The following EZH2 variants were observed in gnomAD, a reference collection of about 807,000 sequenced individuals.
EZH2 encodes histone-lysine N-methyltransferase EZH2.
Under a neutral mutation model 98.4 loss-of-function variants are expected in EZH2, and 18 were observed. That is an observed-to-expected ratio of 0.18 (90% CI 0.13 to 0.27). EZH2 has a LOEUF of 0.27. Among genes scored for constraint, EZH2 ranks in the 10% least tolerant of loss-of-function variants. The pLI is 1.00. For synonymous variants in EZH2, 338 were observed against 312.3 expected (o/e 1.08, Z -0.87); for missense variants, 470 against 935.1 (o/e 0.50, Z 6.49).
intron 2 of EZH2, among the ~76,000 whole-genome samples, chr7:148,846,835 T>C (rs1158096308): frequency 9.3e-6 from 1 of 107,542 alleles, no homozygotes; most frequent in Non-Finnish European, 1.9e-5. Flanking sequence ...CTTTCTTTGT[T>C]GACTGTGTGT....
chr7:148,833,158 A>G (rs971166916), intron 3 of EZH2, among the ~76,000 whole-genome samples: 3 of 152,162 alleles, frequency 2.0e-5, no homozygotes, highest in African/African-American at 4.8e-5. Context: ...ATCTTACTTA[A>G]TAAGAATAAG....
intron 9 of EZH2, 111 bp from the exon 10 acceptor site, chr7:148,818,228 C>T: frequency 9.1e-7 from 1 of 1,095,936 alleles, no homozygotes; most frequent in Non-Finnish European, 1.3e-6. Flanking sequence ...ATCACATTAT[C>T]CATTTATCAC....
At chr7:148,862,547 A>C (rs961948134) in intron 1 of EZH2, among the ~76,000 whole-genome samples, 2 of 152,334 alleles carry the variant, frequency 1.3e-5, no homozygotes, top group African/African-American at 4.8e-5. Flanking sequence ...AAGTCTGCCA[A>C]ATACCTAAGT....
Position 148,832,643 on chromosome 7 carries a change from C to T in EZH2, c.354G>A (p.Gln118=). 1 of 1,543,078 alleles carries T rather than the reference C, an allele frequency of 6.5e-7. No homozygotes were observed. Among genetic ancestry groups the T allele is most frequent in the South Asian group, 1.2e-5 (1 of 83,402 alleles). ...PIMYSWSPLQ[Q]NFMVEDETVL... ...TATCTTATTTACATACCATAAAATT[C>T]TGCTGTAGGGGAGACCAAGAATACA... is the stretch of plus-strand genomic sequence containing the variant. The change falls in exon 4 of 20, where the codon CAG becomes CAA. Residue 118 remains glutamine (Q), a synonymous_variant. Coordinates refer to ENST00000320356, the MANE Select transcript of EZH2 (RefSeq NM_004456.5).
intron 1 of EZH2, among the ~76,000 whole-genome samples, chr7:148,877,908 G>A (rs999553514): frequency 4.6e-5 from 7 of 152,190 alleles, no homozygotes; most frequent in African/African-American, 1.7e-4. Context: ...ATAATATGGA[G>A]TAGATAATAT....
chr7:148,833,666 A>G (rs1810057576), intron 3 of EZH2, among the ~76,000 whole-genome samples: 1 of 152,192 alleles, frequency 6.6e-6, no homozygotes, highest in Admixed American at 6.5e-5. Context: ...AATTAATAAT[A>G]TTAGCTGATT....
At chr7:148,867,058 G>A (rs569371341) in intron 1 of EZH2, among the ~76,000 whole-genome samples, 225 of 151,048 alleles carry the variant, frequency 1.5e-3, no homozygotes, top group Non-Finnish European at 2.8e-3. Context: ...CAGGCGTGGT[G>A]GCTCACGCCT....
intron 6 of EZH2, 99 bp from the exon 7 acceptor site, chr7:148,827,365 T>C (rs2129475875): frequency 2.4e-6 from 2 of 825,548 alleles, no homozygotes; most frequent in East Asian, 2.5e-5. Flanking sequence ...CAAAGCTGAT[T>C]TTCTAAGAAA....
chr7:148,850,975 A>T (rs1213303676), intron 1 of EZH2, among the ~76,000 whole-genome samples: 1 of 152,154 alleles, frequency 6.6e-6, no homozygotes, highest in Non-Finnish European at 1.5e-5. Context: ...AAATATCGTA[A>T]CATTTTCAGA....
At chr7:148,808,104 G>A (rs973748974) in intron 19 of EZH2, among the ~76,000 whole-genome samples, 2 of 152,142 alleles carry the variant, frequency 1.3e-5, no homozygotes, top group African/African-American at 4.8e-5. Flanking sequence ...TAGCAAAGAG[G>A]GCCAAAGAGC....
chr7:148,848,190 T>G (rs1244037859), intron 1 of EZH2, among the ~76,000 whole-genome samples: 1 of 152,206 alleles, frequency 6.6e-6, no homozygotes, highest in Non-Finnish European at 1.5e-5. Context: ...CAATTTGTGC[T>G]TTATCTTAAG....
At chr7:148,878,385 T>C (rs1213823899) in intron 1 of EZH2, among the ~76,000 whole-genome samples, 2 of 152,184 alleles carry the variant, frequency 1.3e-5, no homozygotes, top group African/African-American at 2.4e-5. Context: ...GTACAAAAGG[T>C]TGTATCTGGC....
Position 148,816,921 on chromosome 7 carries a change from A to AC in EZH2, c.1411-144dup, listed in dbSNP as rs1804717289. ...GGATATAACACACATCGCTGTCCCT[A>AC]CCCTCACATTAGGGGTAGCTGTAAT... On this transcript the variant is annotated intron_variant, in intron 11 of 19. Coordinates refer to ENST00000320356, the MANE Select transcript of EZH2 (RefSeq NM_004456.5). 7.7e-6 allele frequency: 5 copies of AC among 647,590 alleles called. No individual in the cohort carries two copies. The Admixed American group carries it at 1.2e-4, about 16-fold the overall frequency. The allele number at this position is 647,590 out of a possible 1,614,324, so 40.1% of individuals were successfully genotyped here.
intron 3 of EZH2, among the ~76,000 whole-genome samples, chr7:148,843,123 G>A (rs146387776): frequency 1.5e-4 from 23 of 150,472 alleles, no homozygotes; most frequent in African/African-American, 2.4e-4. Context: ...CAGGATAATC[G>A]CTTGAACCTG....
At chr7:148,818,733 T>A (rs1805239831) in intron 9 of EZH2, among the ~76,000 whole-genome samples, 1 of 152,184 alleles carries the variant, frequency 6.6e-6, no homozygotes, top group Admixed American at 6.5e-5. Flanking sequence ...CTGTGAGGGT[T>A]ACATCTTGCA....
intron 1 of EZH2, among the ~76,000 whole-genome samples, chr7:148,867,557 G>A (rs1818725719): frequency 6.6e-6 from 1 of 152,266 alleles, no homozygotes; most frequent in East Asian, 1.9e-4. Context: ...AATTCCTACA[G>A]TTACCTTCCT....
intron 3 of EZH2, among the ~76,000 whole-genome samples, chr7:148,833,740 T>C (rs1810080491): frequency 6.6e-6 from 1 of 152,178 alleles, no homozygotes; most frequent in African/African-American, 2.4e-5. Flanking sequence ...TTAATCCTCA[T>C]TACAACACTG....
chr7:148,817,162 A>C, intron 11 of EZH2, 60 bp downstream of exon 11: 1 of 1,472,006 alleles, frequency 6.8e-7, no homozygotes, highest in Non-Finnish European at 9.1e-7. Context: ...TTGGACAACG[A>C]GTACAGTTTT....
At position 148,869,601 on chromosome 7, in the gene EZH2, G is replaced by A. The variant is rs1422628295; in HGVS notation, c.-8+14563C>T. Among the ~76,000 whole-genome samples the A allele has an allele frequency of 7.2e-5, 11 of 152,148 alleles. 1 individual carries two copies. The highest frequency in any genetic ancestry group is 7.2e-4 in the Admixed American group (11 of 15,266). On this transcript the variant is annotated intron_variant, in intron 1 of 19. Coordinates refer to ENST00000320356, the MANE Select transcript of EZH2 (RefSeq NM_004456.5). ...AATCCTCCCACCTCAGCCGCTCAAA[G>A]TGCTGGGATTACTGGCGTGAGCCAA...
Sources: allele counts gnomAD v4.1 joint callset (sites outside exome capture counted in the v4.1 genomes callset), GRCh38; gene constraint gnomAD v4.1.1; transcripts MANE v1.5; gene names NCBI Gene and HGNC (gene_info 2026-07-23, HGNC 2026-07-21).